Variants in TAFA2 observed in about 807,000 individuals in gnomAD.
The protein encoded by TAFA2 is chemokine-like protein TAFA-2.
Under a neutral mutation model 18.8 loss-of-function variants are expected in TAFA2, and 7 were observed. The observed-to-expected ratio is 0.37, with a 90% CI of 0.21 to 0.70. The LOEUF (loss-of-function observed/expected upper bound fraction) is 0.70, where lower values mean the gene tolerates loss of function less well. Ranked by LOEUF, TAFA2 falls within the 30% of genes least tolerant of loss-of-function variation. The pLI is 0.53. For synonymous variants in TAFA2, 60 were observed against 54.2 expected (o/e 1.11, Z -0.47); for missense variants, 122 against 158.1 (o/e 0.77, Z 1.23).
intron 1 of TAFA2, among the ~76,000 whole-genome samples, chr12:61,882,222 G>T (rs1875177823): frequency 6.6e-6 from 1 of 152,096 alleles, no homozygotes; most frequent in African/African-American, 2.4e-5. Flanking sequence ...CTACACTTTA[G>T]CAGTGGCACA....
At chr12:62,135,934 T>A (rs1036540427) in intron 1 of TAFA2, 3 of 152,118 alleles carry the variant, frequency 2.0e-5, no homozygotes, top group African/African-American at 7.2e-5. Context: ...TCACCCTGAT[T>A]GACTTTTCCC....
At chr12:61,875,275 T>A in intron 1 of TAFA2, among the ~76,000 whole-genome samples, 1 of 152,086 alleles carries the variant, frequency 6.6e-6, no homozygotes, top group East Asian at 1.9e-4. Context: ...ATATTTAAAT[T>A]TTGTATCTCT....
chr12:61,982,495 T>C lies in TAFA2; in HGVS notation c.-1-115069A>G, dbSNP rs113976335. ...TGGCCAGGCACAGTGGCTCACTGTT[T>C]CTTTTTAATTTTTTTAACTCATACC... On this transcript the variant is annotated intron_variant, in intron 1 of 4. Coordinates refer to ENST00000416284, the MANE Select transcript of TAFA2 (RefSeq NM_178539.5). 2.0e-3 allele frequency among the ~76,000 whole-genome samples: 298 copies of C among 152,266 alleles called. 3 individuals carry two copies. The highest frequency in any genetic ancestry group is 7.0e-3 in the African/African-American group (290 of 41,558).
chr12:62,256,772 T>C (rs2062941211), intron 1 of TAFA2, among the ~76,000 whole-genome samples: 1 of 152,216 alleles, frequency 6.6e-6, no homozygotes, highest in African/African-American at 2.4e-5. Flanking sequence ...GCACTTACAA[T>C]TTTTATTCAT....
intron 1 of TAFA2, among the ~76,000 whole-genome samples, chr12:61,991,592 G>A (rs1237327860): frequency 6.6e-6 from 1 of 152,084 alleles, no homozygotes; most frequent in African/African-American, 2.4e-5. Context: ...TTATCCCTCT[G>A]TTGGTTCTTT....
chr12:62,242,690 T>G (rs1277062007), intron 1 of TAFA2: 1 of 152,218 alleles, frequency 6.6e-6, no homozygotes, highest in Non-Finnish European at 1.5e-5. Context: ...TGACTGATAA[T>G]CTAGAGATGG....
intron 4 of TAFA2, among the ~76,000 whole-genome samples, chr12:61,724,532 C>A (rs906108013): frequency 6.6e-6 from 1 of 151,876 alleles, no homozygotes; most frequent in Non-Finnish European, 1.5e-5. Context: ...TTATACCTCA[C>A]CCCTCACCAT....
At chr12:62,022,204 A>G (rs1881165453) in intron 1 of TAFA2, 1 of 317,750 alleles carries the variant, frequency 3.1e-6, no homozygotes. Flanking sequence ...TGGATTAGAT[A>G]AAATTTAGAG....
At chr12:62,119,726 A>C (rs1244779034) in intron 1 of TAFA2, among the ~76,000 whole-genome samples, 3 of 152,154 alleles carry the variant, frequency 2.0e-5, no homozygotes, top group African/African-American at 7.2e-5. Context: ...ATTTCAGAGG[A>C]GCTCTTGTTT....
At chr12:61,919,990 C>T (rs1200860550) in intron 1 of TAFA2, among the ~76,000 whole-genome samples, 1 of 152,054 alleles carries the variant, frequency 6.6e-6, no homozygotes, top group Non-Finnish European at 1.5e-5. Context: ...AGTCTCATTA[C>T]CAATATGCAA....
rs563257864 is a variant in TAFA2, at chr12:61,771,989, A to T, written c.107-16965T>A. On this transcript the variant is annotated intron_variant, in intron 2 of 4. Coordinates refer to ENST00000416284, the MANE Select transcript of TAFA2 (RefSeq NM_178539.5). ...AAATTGATAGACCATTAACAAGATTAAATAGGAAAAGAAGAGAGAAGATCC... is the reference window on the plus strand; with the variant it reads ...AAATTGATAGACCATTAACAAGATTTAATAGGAAAAGAAGAGAGAAGATCC... Among the ~76,000 whole-genome samples the T allele has an allele frequency of 3.9e-5, 6 of 152,108 alleles. No homozygotes were observed. In the South Asian group the frequency reaches 1.2e-3, roughly 32 times the overall value.
At chr12:62,068,248 T>C (rs771615687) in intron 1 of TAFA2, among the ~76,000 whole-genome samples, 2 of 152,140 alleles carry the variant, frequency 1.3e-5, no homozygotes, top group Non-Finnish European at 2.9e-5. Flanking sequence ...AGGCATGAAC[T>C]AGCTATACAA....
chr12:61,957,026 A>C (rs546895325), intron 1 of TAFA2, among the ~76,000 whole-genome samples: 5 of 152,282 alleles, frequency 3.3e-5, no homozygotes, highest in Admixed American at 1.3e-4. Flanking sequence ...CAAAATATGT[A>C]GGTAGAAAGT....
chr12:61,781,866 A>G (rs1565631740), intron 2 of TAFA2, among the ~76,000 whole-genome samples: 1 of 151,752 alleles, frequency 6.6e-6, no homozygotes. Context: ...AGTAATTTTT[A>G]CTTTTGTTTA....
intron 1 of TAFA2, among the ~76,000 whole-genome samples, chr12:62,028,620 T>C (rs1881370371): frequency 6.6e-6 from 1 of 152,134 alleles, no homozygotes; most frequent in Admixed American, 6.6e-5. Flanking sequence ...TTCACACAAA[T>C]TGTACAAACT....
intron 1 of TAFA2, among the ~76,000 whole-genome samples, chr12:62,011,289 C>T (rs1000300874): frequency 1.3e-5 from 2 of 151,646 alleles, no homozygotes; most frequent in Non-Finnish European, 2.9e-5. Flanking sequence ...ATGACGATGG[C>T]GGTTTTGTTG....
intron 2 of TAFA2, among the ~76,000 whole-genome samples, chr12:61,851,439 C>T (rs1873639123): frequency 6.6e-6 from 1 of 152,092 alleles, no homozygotes; most frequent in Non-Finnish European, 1.5e-5. Context: ...AGGGAACAGG[C>T]ACAAATCATG....
At chr12:62,010,473 G>A (rs1049696894) in intron 1 of TAFA2, among the ~76,000 whole-genome samples, 1 of 152,160 alleles carries the variant, frequency 6.6e-6, no homozygotes, top group Non-Finnish European at 1.5e-5. Flanking sequence ...TGTTGCCCAG[G>A]CTGGAGTGCA....
rs370889715 is a variant in TAFA2, at chr12:62,216,452, T to G, written c.-130+42311A>C. Among the ~76,000 whole-genome samples the G allele has an allele frequency of 5.9e-5, 9 of 152,158 alleles. No individual in the cohort carries two copies. In the East Asian group the frequency reaches 9.6e-4, roughly 16 times the overall value. On this transcript the variant is annotated intron_variant, in intron 1 of 5. Transcript: ENST00000551619. The stretch of plus-strand genomic sequence containing the variant: ...TTAATGACACCTTTAAAAACCTACA[T>G]AATATTTGGTTGCTGATTTTCATCC...
Sources: gnomAD v4.1 joint callset for allele counts (sites outside exome capture counted in the v4.1 genomes callset) on GRCh38, gnomAD v4.1.1 for gene constraint, MANE v1.5 for transcripts, NCBI Gene and HGNC (gene_info 2026-07-23, HGNC 2026-07-21) for gene names.